Variants in LTBP1 observed in about 807,000 individuals in gnomAD.
LTBP1 encodes latent transforming growth factor beta binding protein 1.
Under a neutral mutation model 207.6 loss-of-function variants are expected in LTBP1, and 129 were observed. The observed-to-expected ratio is 0.62, with a 90% CI of 0.54 to 0.72. The LOEUF is 0.72. LTBP1 is among the 30% of genes least tolerant of loss of function. The pLI, the probability that LTBP1 is intolerant of heterozygous loss-of-function variation, is 0.00. For synonymous variants in LTBP1, 963 were observed against 833.7 expected (o/e 1.16, Z -2.67); for missense variants, 2,281 against 2,217.2 (o/e 1.03, Z -0.58).
intron 2 of LTBP1, among the ~76,000 whole-genome samples, chr2:33,012,300 C>G (rs1573081398): frequency 6.6e-6 from 1 of 152,224 alleles, no homozygotes; most frequent in South Asian, 2.1e-4. Flanking sequence ...ACACTCAAAT[C>G]TCTGTGACCC....
intron 25 of LTBP1, among the ~76,000 whole-genome samples, chr2:33,344,939 A>G (rs917354846): frequency 6.6e-6 from 1 of 152,222 alleles, no homozygotes; most frequent in Non-Finnish European, 1.5e-5. Context: ...AACCAGCCAG[A>G]TGAGCACACC....
chr2:33,003,128 C>T (rs563978388), intron 2 of LTBP1, among the ~76,000 whole-genome samples: 33 of 152,200 alleles, frequency 2.2e-4, no homozygotes, highest in Admixed American at 5.9e-4. Context: ...AAAATGGGGT[C>T]GTATCATAGA....
intron 26 of LTBP1, among the ~76,000 whole-genome samples, chr2:33,356,829 C>T (rs991533473): frequency 6.6e-6 from 1 of 152,100 alleles, no homozygotes; most frequent in African/African-American, 2.4e-5. Context: ...ATAAAGTGTC[C>T]TGGGTAATTC....
intron 3 of LTBP1, among the ~76,000 whole-genome samples, chr2:33,065,659 T>C (rs2077473424): frequency 6.6e-6 from 1 of 152,294 alleles, no homozygotes; most frequent in East Asian, 1.9e-4. Context: ...TTTCCATATA[T>C]GTTGATGAGG....
intron 23 of LTBP1, among the ~76,000 whole-genome samples, chr2:33,310,722 G>A (rs1365919620): frequency 6.6e-6 from 1 of 152,148 alleles, no homozygotes; most frequent in Non-Finnish European, 1.5e-5. Flanking sequence ...AGCCCATTGA[G>A]TCATTTCAAC....
chr2:33,116,503 C>T (rs372788259), intron 4 of LTBP1, among the ~76,000 whole-genome samples: 3 of 151,838 alleles, frequency 2.0e-5, no homozygotes, highest in Non-Finnish European at 4.4e-5. Flanking sequence ...GATGTGCTAA[C>T]GTGGGGGAGA....
chr2:33,395,776 C>T (rs567867594), intron 32 of LTBP1, among the ~76,000 whole-genome samples: 1 of 152,026 alleles, frequency 6.6e-6, no homozygotes, highest in African/African-American at 2.4e-5. Flanking sequence ...GACCAAACTC[C>T]ATATCCTTGT....
intron 13 of LTBP1, among the ~76,000 whole-genome samples, chr2:33,261,703 G>C (rs770387691): frequency 1.3e-5 from 2 of 152,168 alleles, no homozygotes; most frequent in East Asian, 3.8e-4. Flanking sequence ...ATGAGAGCCT[G>C]GATGGTTTTG....
intron 5 of LTBP1, among the ~76,000 whole-genome samples, chr2:33,158,162 AAAAGAG>A (rs1293408645): frequency 3.2e-4 from 45 of 140,720 alleles, no homozygotes; most frequent in Non-Finnish European, 3.7e-4. Context: ...AAAAAAAAAA[AAAAGAG>A]AGAGAGAGAG....
chr2:33,343,459 T>G (rs1233771564), intron 25 of LTBP1, among the ~76,000 whole-genome samples: 2 of 151,434 alleles, frequency 1.3e-5, no homozygotes, highest in African/African-American at 4.9e-5. Context: ...TTAGGGACAT[T>G]AAGAAATATA....
chr2:33,210,837 G>A (rs938959607), intron 7 of LTBP1, among the ~76,000 whole-genome samples: 2 of 152,292 alleles, frequency 1.3e-5, no homozygotes, highest in African/African-American at 4.8e-5. Flanking sequence ...CCCCAGTAGA[G>A]CCATTGAGTC....
intron 9 of LTBP1, among the ~76,000 whole-genome samples, chr2:33,237,132 A>G (rs918448184): frequency 3.3e-5 from 5 of 152,226 alleles, no homozygotes; most frequent in African/African-American, 1.2e-4. Context: ...CCCAGAGAGC[A>G]GCATTTCACA....
rs528780557 is a variant in LTBP1 at position 33,397,202 on chromosome 2, G to A, written c.4904G>A (p.Arg1635His). 13 of 1,614,016 alleles carry A rather than the reference G, an allele frequency of 8.1e-6. No homozygotes were observed. Among genetic ancestry groups the A allele is most frequent in the African/African-American group, 4.0e-5 (3 of 74,924 alleles). ...ATCCTCAATGGATGTGAAAATGGTC[G>A]CTGTGTGAGGGTCCAGGAAGGTTAC... The part of the protein sequence containing the change: ...CGILNGCENG[R>H]CVRVQEGYTC... Residue 1635 changes from arginine (R) to histidine (H), a missense_variant, in exon 33 of 34, where the codon CGC (arginine) becomes CAC (histidine). Coordinates refer to ENST00000404816, the MANE Select transcript of LTBP1 (RefSeq NM_206943.4).
intron 2 of LTBP1, among the ~76,000 whole-genome samples, chr2:32,992,791 G>T (rs1244295850): frequency 6.6e-6 from 1 of 152,154 alleles, no homozygotes. Context: ...CCTGCAGGGG[G>T]TTCAGGGTGG....
At chr2:33,292,912 C>T (rs2093802582) in intron 19 of LTBP1, among the ~76,000 whole-genome samples, 1 of 152,188 alleles carries the variant, frequency 6.6e-6, no homozygotes, top group Non-Finnish European at 1.5e-5. Flanking sequence ...ATCTTTACTT[C>T]TTGAATTTAT....
At chr2:33,266,164 AGC>A (rs2093169901) in intron 15 of LTBP1, among the ~76,000 whole-genome samples, 1 of 152,172 alleles carries the variant, frequency 6.6e-6, no homozygotes, top group African/African-American at 2.4e-5. Context: ...TCCAGGGTGG[AGC>A]AAAGTTGTGG....
intron 10 of LTBP1, among the ~76,000 whole-genome samples, chr2:33,250,608 T>A (rs2092655555): frequency 6.6e-6 from 1 of 152,172 alleles, no homozygotes; most frequent in African/African-American, 2.4e-5. Context: ...TGTGAATTCC[T>A]GCAATCCTAG....
chr2:33,031,588 T>G (rs996496442), intron 3 of LTBP1, among the ~76,000 whole-genome samples: 2 of 152,194 alleles, frequency 1.3e-5, no homozygotes, highest in South Asian at 4.1e-4. Context: ...AGGGGGAGAT[T>G]GGCAGGGGCT....
intron 5 of LTBP1, among the ~76,000 whole-genome samples, chr2:33,170,958 C>T (rs1422433561): frequency 2.0e-5 from 3 of 152,020 alleles, no homozygotes; most frequent in East Asian, 1.9e-4. Flanking sequence ...GTCCTGTCTG[C>T]TACAAGGAAA....
Sources: gnomAD v4.1 joint callset for allele counts (sites outside exome capture counted in the v4.1 genomes callset) on GRCh38, gnomAD v4.1.1 for gene constraint, MANE v1.5 for transcripts, NCBI Gene and HGNC (gene_info 2026-07-23, HGNC 2026-07-21) for gene names.